SUDS3: variants seen among roughly 807,000 people sequenced by gnomAD.
The protein encoded by SUDS3 is SIN3A corepressor complex component SDS3.
A neutral mutation model predicts 53.5 loss-of-function variants in SUDS3; 23 were observed. That is an observed-to-expected ratio of 0.43 (90% CI 0.31 to 0.61). SUDS3 has a LOEUF of 0.61. SUDS3 is among the 20% of genes least tolerant of loss of function. The pLI, the probability that SUDS3 is intolerant of heterozygous loss-of-function variation, is 0.10. For missense variants in SUDS3, 291 were observed against 405.9 expected (o/e 0.72, Z 2.43); for synonymous variants, 150 against 148.5 (o/e 1.01, Z -0.08).
At chr12:118,384,177 C>A in intron 3 of SUDS3, 110 bp downstream of exon 3, 2 of 1,064,462 alleles carry the variant, frequency 1.9e-6, no homozygotes, top group Non-Finnish European at 2.8e-6. Flanking sequence ...CACGGTCTGG[C>A]TGATCTTAGC....
chr12:118,380,213 A>G lies in SUDS3; in HGVS notation c.194A>G (p.Tyr65Cys), dbSNP rs181326809. ...CTGGCAAAGCATGATGAAGAAGACT[A>G]TGTAGAAATGAAGGAACAGTGAGTA... is the stretch of plus-strand genomic sequence containing the variant. ...TDLAKHDEED[Y>C]VEMKEQMYQD... is the part of the protein sequence containing the mutation. Residue 65 changes from tyrosine (Y) to cysteine (C), a missense_variant, in exon 2 of 12, where the codon TAT becomes TGT. Transcript: ENST00000543473. 8.7e-6 allele frequency: 14 copies of G among 1,608,048 alleles called. No individual in the cohort carries two copies. The Admixed American group carries it at 2.2e-4, about 25-fold the overall frequency.
In SUDS3 at chr12:118,415,333, A is replaced by G. The variant is rs993281266; in HGVS notation, c.*900A>G. On this transcript the variant is annotated 3_prime_UTR_variant, in exon 12 of 12. Coordinates refer to ENST00000543473, the MANE Select transcript of SUDS3 (RefSeq NM_022491.3). ...TTGATAGTGCAATAATCAGTGATCT[A>G]TAGACCCTCATGCACGATTCAAGTT... 3 of 152,160 alleles carry G rather than the reference A, an allele frequency of 2.0e-5. No homozygotes were observed. The highest frequency in any genetic ancestry group is 4.8e-5 in the African/African-American group (2 of 41,426). The allele number at this position is 152,160 out of a possible 1,614,324, so 9.4% of individuals were successfully genotyped here.
At chr12:118,384,208 CT>C in intron 3 of SUDS3, 141 bp downstream of exon 3, 1 of 770,180 alleles carries the variant, frequency 1.3e-6, no homozygotes, top group South Asian at 1.9e-5. Context: ...ATTTTGCTAT[CT>C]TTTGCTGTCA....
At position 118,384,056 on chromosome 12, in the gene SUDS3, A is replaced by G; in HGVS notation, c.257A>G (p.Gln86Arg). The G allele has an allele frequency of 6.2e-7, 1 of 1,613,786 alleles. No individual in the cohort carries two copies. Among genetic ancestry groups the G allele is most frequent in the Non-Finnish European group, 8.5e-7 (1 of 1,179,820 alleles). Residue 86 changes from glutamine to arginine, a missense_variant, in exon 3 of 12, where the codon CAA becomes CGA. Transcript: ENST00000543473. ...KLASLKRQLQ[Q>R]LQEGTLQEYQ... is the part of the protein sequence containing the mutation. ...GCTTCTCTCAAGAGGCAGTTGCAAC[A>G]ACTGCAAGAAGGTTGGTGTGTGATT...
chr12:118,384,499 C>G (rs2046096197), intron 3 of SUDS3, among the ~76,000 whole-genome samples: 2 of 152,192 alleles, frequency 1.3e-5, no homozygotes, highest in Non-Finnish European at 2.9e-5. Flanking sequence ...TTGTCAAATG[C>G]TGCTAGCTGC....
intron 4 of SUDS3, among the ~76,000 whole-genome samples, chr12:118,388,849 C>T (rs1454158520): frequency 2.0e-5 from 3 of 152,100 alleles, no homozygotes; most frequent in Admixed American, 6.6e-5. Context: ...TCATATAGTG[C>T]TTTAAAAAGG....
chr12:118,406,874 C>T (rs570697515), intron 10 of SUDS3, among the ~76,000 whole-genome samples: 16 of 142,782 alleles, frequency 1.1e-4, no homozygotes, highest in Admixed American at 4.3e-4. Flanking sequence ...CATCTTTAAC[C>T]GCCCCCGCCC....
At chr12:118,383,633 C>T (rs529879564) in intron 2 of SUDS3, among the ~76,000 whole-genome samples, 88 of 152,342 alleles carry the variant, frequency 5.8e-4, no homozygotes, top group African/African-American at 2.0e-3. Flanking sequence ...CTGTAACTTA[C>T]AATCTAATTG....
chr12:118,402,373 G>A (rs1017214238), intron 9 of SUDS3: 3 of 253,704 alleles, frequency 1.2e-5, no homozygotes, highest in African/African-American at 4.6e-5. Flanking sequence ...GTCCTAGGCA[G>A]TTCTGCTCCC....
chr12:118,390,291 G>C (rs937551585), intron 5 of SUDS3, among the ~76,000 whole-genome samples: 3 of 152,142 alleles, frequency 2.0e-5, no homozygotes, highest in African/African-American at 7.2e-5. Context: ...CAGCAGTTCT[G>C]TTTTACAGCT....
chr12:118,383,185 C>T (rs747469539), intron 2 of SUDS3, among the ~76,000 whole-genome samples: 28 of 152,186 alleles, frequency 1.8e-4, no homozygotes, highest in Admixed American at 4.6e-4. Context: ...GTGCTCACTT[C>T]AGCAGCACAT....
At chr12:118,410,443 A>C (rs1407828046) in intron 10 of SUDS3, among the ~76,000 whole-genome samples, 1 of 152,220 alleles carries the variant, frequency 6.6e-6, no homozygotes, top group African/African-American at 2.4e-5. Flanking sequence ...AGGGAAAAAT[A>C]CATAGTTTTC....
chr12:118,393,421 C>A (rs2046185572), intron 6 of SUDS3, among the ~76,000 whole-genome samples: 1 of 152,174 alleles, frequency 6.6e-6, no homozygotes, highest in Non-Finnish European at 1.5e-5. Context: ...CCCACCATGA[C>A]TTAAAGCGTT....
At chr12:118,412,946 C>T (rs780354830) in intron 11 of SUDS3, among the ~76,000 whole-genome samples, 2 of 152,110 alleles carry the variant, frequency 1.3e-5, no homozygotes, top group African/African-American at 2.4e-5. Context: ...TTTTTCAGAT[C>T]AAATTCTAGG....
chr12:118,376,863 G>C lies in SUDS3; in HGVS notation c.142+30G>C, dbSNP rs747850115. On this transcript the variant is annotated intron_variant, in intron 1 of 11. Transcript: ENST00000543473. ...GTCCTGCCGCTCGCCCGGCCGCCCG[G>C]AGCGGAGGTGGGACCGCTGGGGGAG... 3.3e-6 allele frequency: 5 copies of C among 1,503,624 alleles called. No individual in the cohort carries two copies. The South Asian group carries it at 5.0e-5, about 15-fold the overall frequency. The allele number at this position is 1,503,624 out of a possible 1,614,324, so 93.1% of individuals were successfully genotyped here.
chr12:118,390,374 G>T (rs1364370658), intron 5 of SUDS3, among the ~76,000 whole-genome samples: 2 of 152,176 alleles, frequency 1.3e-5, no homozygotes, highest in African/African-American at 2.4e-5. Context: ...CTGAGTGCTG[G>T]TTCTGTGTCA....
At chr12:118,413,814 C>A (rs1336159930) in intron 11 of SUDS3, among the ~76,000 whole-genome samples, 1 of 152,132 alleles carries the variant, frequency 6.6e-6, no homozygotes, top group East Asian at 1.9e-4. Flanking sequence ...CCTAATTGGG[C>A]CTTAGCTCAT....
intron 10 of SUDS3, chr12:118,404,283 G>C (rs1291698021): frequency 1.3e-5 from 2 of 152,174 alleles, no homozygotes; most frequent in Admixed American, 1.3e-4. Flanking sequence ...GCTAGTTTTT[G>C]TATTTTTAGT....
At chr12:118,389,780 C>T (rs997889457) in intron 4 of SUDS3, 147 bp from the exon 5 acceptor site, 40 of 928,474 alleles carry the variant, frequency 4.3e-5, no homozygotes, top group African/African-American at 3.9e-4. Context: ...CCTTTCCCTT[C>T]GTGTATATCA....
Sources: gnomAD v4.1 joint callset for allele counts (sites outside exome capture counted in the v4.1 genomes callset) on GRCh38, gnomAD v4.1.1 for gene constraint, MANE v1.5 for transcripts, NCBI Gene and HGNC (gene_info 2026-07-23, HGNC 2026-07-21) for gene names.